The following PCSK5 variants were observed in gnomAD, a reference collection of about 807,000 sequenced individuals.
PCSK5 encodes the protein proprotein convertase subtilisin/kexin type 5.
PCSK5 carries 129 observed loss-of-function variants against 233.2 expected under a neutral mutation model. That is an observed-to-expected ratio of 0.55 (90% CI 0.48 to 0.64). The LOEUF (loss-of-function observed/expected upper bound fraction) is 0.64. Ranked by LOEUF, PCSK5 falls within the 30% of genes least tolerant of loss-of-function variation. The pLI is 0.00. For synonymous variants in PCSK5, 825 were observed against 879.2 expected (o/e 0.94, Z 1.09); for missense variants, 2,076 against 2,430.1 (o/e 0.85, Z 3.06).
intron 7 of PCSK5, among the ~76,000 whole-genome samples, chr9:76,078,610 C>T (rs1388319228): frequency 6.6e-6 from 1 of 152,024 alleles, no homozygotes; most frequent in Non-Finnish European, 1.5e-5. Context: ...TTTTGGTTGA[C>T]TTTGTTGAAA....
At position 75,986,214 on chromosome 9, in the gene PCSK5, A is replaced by G. The variant is rs1229089792; in HGVS notation, c.380A>G (p.Asn127Ser). 2 of 1,612,752 alleles carry G rather than the reference A, an allele frequency of 1.2e-6. No homozygotes were observed. The highest frequency in any genetic ancestry group is 1.3e-5 in the African/African-American group (1 of 74,924). ...DFSRAQSTYF[N>S]DPKWPSMWYM... is the part of the protein sequence containing the mutation. ...AGTCGTGCCCAGTCTACCTATTTCAATGATCCCAAGTGGCCCAGCATGTGG... is the reference window on the plus strand; with the variant it reads ...AGTCGTGCCCAGTCTACCTATTTCAGTGATCCCAAGTGGCCCAGCATGTGG... The change falls in exon 3 of 38, where the codon AAT becomes AGT. Residue 127 changes from asparagine to serine, a missense_variant. By Grantham distance (46) the Asn-to-Ser change is conservative (BLOSUM62 1). Around this residue, in one of 6 missense-constraint regions of PCSK5, gnomAD observed 190 missense variants for 216.3 expected, o/e 0.88. Coordinates refer to ENST00000674117, the MANE Select transcript of PCSK5 (RefSeq NM_001372043.1).
intron 20 of PCSK5, among the ~76,000 whole-genome samples, chr9:76,219,082 T>G (rs1825638975): frequency 6.6e-6 from 1 of 152,224 alleles, no homozygotes; most frequent in African/African-American, 2.4e-5. Flanking sequence ...GTTACAAAGC[T>G]GCGACCAGCT....
chr9:76,053,198 C>G (rs897515267), intron 5 of PCSK5, among the ~76,000 whole-genome samples: 1 of 152,226 alleles, frequency 6.6e-6, no homozygotes, highest in Non-Finnish European at 1.5e-5. Flanking sequence ...TCTCACAGCT[C>G]TGCTACGCAG....
At chr9:75,986,935 A>G (rs964245005) in intron 3 of PCSK5, among the ~76,000 whole-genome samples, 1 of 152,214 alleles carries the variant, frequency 6.6e-6, no homozygotes, top group African/African-American at 2.4e-5. Flanking sequence ...ATGAATTTGA[A>G]TATGTTACTT....
chr9:76,270,513 A>C (rs1390021875), intron 24 of PCSK5, among the ~76,000 whole-genome samples: 1 of 152,198 alleles, frequency 6.6e-6, no homozygotes, highest in East Asian at 1.9e-4. Flanking sequence ...TTGGCACAGT[A>C]TCCTGAATAG....
At chr9:76,221,692 A>C (rs1354660369) in intron 20 of PCSK5, among the ~76,000 whole-genome samples, 1 of 152,214 alleles carries the variant, frequency 6.6e-6, no homozygotes, top group Non-Finnish European at 1.5e-5. Flanking sequence ...ACGACGGTGG[A>C]AACTAGAAAG....
chr9:75,958,595 TTGAGACTCTCTG>T (rs1281905121), intron 2 of PCSK5, among the ~76,000 whole-genome samples: 3 of 152,170 alleles, frequency 2.0e-5, no homozygotes, highest in Non-Finnish European at 4.4e-5. Flanking sequence ...ATTCATGAGC[TTGAGACTCTCTG>T]TGAGATAATG....
chr9:76,181,652 C>T, intron 16 of PCSK5, 61 bp downstream of exon 16: 2 of 1,121,596 alleles, frequency 1.8e-6, no homozygotes, highest in African/African-American at 1.5e-5. Context: ...ATTTGAGTGA[C>T]CTCAGGAGGG....
chr9:76,113,169 C>T (rs1038020478), intron 9 of PCSK5, among the ~76,000 whole-genome samples: 1 of 152,138 alleles, frequency 6.6e-6, no homozygotes. Flanking sequence ...TGGACCTCAC[C>T]TGGCTAAAAT....
chr9:75,942,323 G>C (rs932984965), intron 2 of PCSK5, among the ~76,000 whole-genome samples: 5 of 152,208 alleles, frequency 3.3e-5, no homozygotes, highest in Non-Finnish European at 7.3e-5. Flanking sequence ...CACATCTTTG[G>C]GGCATCCCAG....
intron 26 of PCSK5, among the ~76,000 whole-genome samples, chr9:76,295,852 T>A (rs542808492): frequency 1.3e-5 from 2 of 152,276 alleles, no homozygotes; most frequent in South Asian, 2.1e-4. Context: ...AAATGGATAG[T>A]TAGGAAAGAA....
chr9:76,279,564 T>C (rs1039149989), intron 24 of PCSK5, among the ~76,000 whole-genome samples: 1 of 151,894 alleles, frequency 6.6e-6, no homozygotes, highest in Non-Finnish European at 1.5e-5. Context: ...CCACATCCTC[T>C]CCAGCACCTG....
chr9:76,026,273 T>C (rs1474398272), intron 4 of PCSK5, among the ~76,000 whole-genome samples: 2 of 152,234 alleles, frequency 1.3e-5, no homozygotes, highest in African/African-American at 4.8e-5. Context: ...CTGGAGATAC[T>C]GTTTCCTCAT....
At chr9:76,284,356 T>C (rs1489436538) in intron 24 of PCSK5, among the ~76,000 whole-genome samples, 1 of 152,068 alleles carries the variant, frequency 6.6e-6, no homozygotes, top group African/African-American at 2.4e-5. Context: ...GTTCTCATGA[T>C]AGTGAATAAG....
At chr9:76,221,240 AGTTT>A (rs1825719734) in intron 20 of PCSK5, among the ~76,000 whole-genome samples, 1 of 152,226 alleles carries the variant, frequency 6.6e-6, no homozygotes, top group African/African-American at 2.4e-5. Context: ...GCCTGCTCAA[AGTTT>A]GTTTGTTTCA....
chr9:76,105,961 T>C (rs1021858646), intron 8 of PCSK5, among the ~76,000 whole-genome samples: 2 of 152,342 alleles, frequency 1.3e-5, no homozygotes, highest in African/African-American at 2.4e-5. Context: ...TCATGTGACA[T>C]AGAATAAACT....
chr9:76,152,208 G>A (rs946349774), intron 10 of PCSK5, among the ~76,000 whole-genome samples: 14 of 152,148 alleles, frequency 9.2e-5, no homozygotes, highest in South Asian at 2.1e-4. Flanking sequence ...TTGCACGTAC[G>A]GTGACCAGTC....
chr9:76,126,061 A>C (rs949930235), intron 9 of PCSK5, among the ~76,000 whole-genome samples: 2 of 152,330 alleles, frequency 1.3e-5, no homozygotes, highest in East Asian at 1.9e-4. Flanking sequence ...ACAATGAAAA[A>C]GAAAGTTAAA....
chr9:76,078,556 C>T (rs573716729), intron 7 of PCSK5, among the ~76,000 whole-genome samples: 1 of 152,208 alleles, frequency 6.6e-6, no homozygotes, highest in African/African-American at 2.4e-5. Context: ...TTACTTATCC[C>T]AGCGCCATTT....
Sources: gnomAD v4.1 joint callset for allele counts (sites outside exome capture counted in the v4.1 genomes callset) on GRCh38, gnomAD v4.1.1 for gene constraint, gnomAD v4.1.1 regional missense constraint, MANE v1.5 for transcripts, NCBI Gene and HGNC (gene_info 2026-07-23, HGNC 2026-07-21) for gene names.